Variants in SGK1 observed in about 807,000 individuals in gnomAD.
The protein encoded by SGK1 is serum/glucocorticoid regulated kinase 1, also known as serine/threonine-protein kinase Sgk1.
SGK1 carries 26 observed loss-of-function variants against 64.2 expected under a neutral mutation model. The observed-to-expected ratio is 0.40, with a 90% CI of 0.30 to 0.56. SGK1 has a LOEUF of 0.56. Ranked by LOEUF, SGK1 falls within the 20% of genes least tolerant of loss-of-function variation. The pLI is 0.38. For synonymous variants in SGK1, 265 were observed against 239.7 expected, an observed-to-expected ratio of 1.11 and a Z score of -0.98; for missense variants, 519 against 645.6, an observed-to-expected ratio of 0.80 and a Z score of 2.12.
chr6:134,216,411 T>A (rs911162664), intron 2 of SGK1, among the ~76,000 whole-genome samples: 2 of 152,240 alleles, frequency 1.3e-5, no homozygotes, highest in Non-Finnish European at 2.9e-5. Context: ...ATTGCTTTAG[T>A]GAGGCTTTAG....
intron 1 of SGK1, among the ~76,000 whole-genome samples, chr6:134,293,005 A>G (rs1777289889): frequency 6.6e-6 from 1 of 152,006 alleles, no homozygotes; most frequent in African/African-American, 2.4e-5. Flanking sequence ...TAATTGGATA[A>G]CTCTCTTGTT....
Position 134,173,355 on chromosome 6 carries a change from A to C in SGK1, c.621T>G (p.Val207=), listed in dbSNP as rs1256318149. 4 of 1,611,768 alleles carry C rather than the reference A, an allele frequency of 2.5e-6. No individual in the cohort carries two copies. In the African/African-American group the frequency reaches 5.3e-5, roughly 22 times the overall value. The change falls in exon 7 of 14, where the codon GTT becomes GTG. Residue 207 remains valine (V), a splice_region_variant and synonymous_variant. Transcript: ENST00000367858. ...KVIGKGSFGK[V]LLARHKAEEV... ...CTTCTGCCTTGTGTCTTGCTAGAAG[A>C]ACCTGAAATTTCAATTTAAAAAAAT...
At chr6:134,172,474 G>T in intron 9 of SGK1, 158 bp from the exon 10 acceptor site, 1 of 815,290 alleles carries the variant, frequency 1.2e-6, no homozygotes, top group Non-Finnish European at 1.9e-6. Flanking sequence ...ATCTATTCTG[G>T]ATTAGGCACA....
intron 3 of SGK1, among the ~76,000 whole-genome samples, chr6:134,175,141 CGGAGGGCGCGG>C (rs1033405127): frequency 2.0e-5 from 3 of 152,094 alleles, no homozygotes; most frequent in African/African-American, 4.8e-5. Context: ...AACGCGCCGG[CGGAGGGCGCGG>C]GGAGGGCCGG....
chr6:134,202,138 G>A (rs772443484), intron 3 of SGK1, among the ~76,000 whole-genome samples: 1 of 152,130 alleles, frequency 6.6e-6, no homozygotes, highest in Non-Finnish European at 1.5e-5. Context: ...TAGCAATAAT[G>A]TAAACATTGT....
chr6:134,201,992 C>T (rs533061229), intron 3 of SGK1, among the ~76,000 whole-genome samples: 1 of 151,026 alleles, frequency 6.6e-6, no homozygotes, highest in South Asian at 2.1e-4. Context: ...ATTTAACTTC[C>T]TAAACCTGAG....
chr6:134,182,932 A>G (rs561311711), intron 3 of SGK1, among the ~76,000 whole-genome samples: 80 of 152,352 alleles, frequency 5.3e-4, no homozygotes, highest in African/African-American at 1.8e-3. Context: ...AGAGCAAACC[A>G]AAACTAACTC....
chr6:134,276,124 A>G (rs1181259995), intron 1 of SGK1, among the ~76,000 whole-genome samples: 1 of 152,210 alleles, frequency 6.6e-6, no homozygotes, highest in Non-Finnish European at 1.5e-5. Flanking sequence ...TCACAAGGAA[A>G]GAGACTCACT....
chr6:134,285,770 A>G (rs1240006670), intron 1 of SGK1, among the ~76,000 whole-genome samples: 1 of 151,886 alleles, frequency 6.6e-6, no homozygotes, highest in East Asian at 1.9e-4. Flanking sequence ...CTATTCTGTA[A>G]GGATAAAGAT....
chr6:134,290,600 C>T (rs185348408), intron 1 of SGK1, among the ~76,000 whole-genome samples: 5 of 151,974 alleles, frequency 3.3e-5, no homozygotes, highest in African/African-American at 9.7e-5. Flanking sequence ...GTGAAGGACC[C>T]GTAGAAGCAA....
chr6:134,194,050 A>G (rs1037875675), intron 3 of SGK1, among the ~76,000 whole-genome samples: 1 of 151,994 alleles, frequency 6.6e-6, no homozygotes, highest in African/African-American at 2.4e-5. Flanking sequence ...GAACACGCCA[A>G]TGAACCTCAA....
At chr6:134,222,401 T>G (rs1160207089) in intron 2 of SGK1, among the ~76,000 whole-genome samples, 16 of 150,904 alleles carry the variant, frequency 1.1e-4, no homozygotes, top group Admixed American at 9.9e-4. Context: ...AATGGCGCAA[T>G]CTCAGCTCAC....
At chr6:134,220,025 G>GT (rs1204315766) in intron 2 of SGK1, among the ~76,000 whole-genome samples, 1 of 107,128 alleles carries the variant, frequency 9.3e-6, no homozygotes, top group African/African-American at 3.7e-5. Context: ...CGCCACTGCA[G>GT]TCCAGCCTGG....
chr6:134,284,508 TAG>T (rs1777148959), intron 1 of SGK1, among the ~76,000 whole-genome samples: 1 of 146,132 alleles, frequency 6.8e-6, no homozygotes, highest in African/African-American at 2.5e-5. Context: ...TTTTTTGAGA[TAG>T]AGTCTCACTC....
Position 134,169,982 on chromosome 6 carries a change from C to T in SGK1, c.*286G>A, listed in dbSNP as rs1774956938. 4.4e-6 allele frequency: 1 copy of T among 226,998 alleles called. No homozygotes were observed. The highest frequency in any genetic ancestry group is 8.7e-6 in the Non-Finnish European group (1 of 115,596). 14.1% of individuals were successfully genotyped at this position (226,998 alleles called of 1,614,324 possible). ...GAGACCTTTTTTAGAACAGCGTCCG[C>T]TTTCTAACGAAACTCCTGCCTCCGT... On this transcript the variant is annotated 3_prime_UTR_variant, in exon 14 of 14. Coordinates refer to ENST00000367858, the MANE Select transcript of SGK1 (RefSeq NM_001143676.3).
intron 3 of SGK1, chr6:134,175,426 C>T: frequency 7.6e-7 from 1 of 1,309,926 alleles, no homozygotes; most frequent in Non-Finnish European, 9.7e-7. Context: ...CCGCCAGGTC[C>T]TCCCGTTCCC....
intron 2 of SGK1, among the ~76,000 whole-genome samples, chr6:134,232,463 G>GAAAGAAAGAA (rs774504546): frequency 2.4e-5 from 1 of 42,280 alleles, no homozygotes; most frequent in Non-Finnish European, 5.6e-5. Context: ...AAGAAAGAAA[G>GAAAGAAAGAA]AAAGAAAGAA....
At chr6:134,223,377 A>G (rs1047507061) in intron 2 of SGK1, among the ~76,000 whole-genome samples, 1 of 152,132 alleles carries the variant, frequency 6.6e-6, no homozygotes, top group Non-Finnish European at 1.5e-5. Flanking sequence ...TCAAAAAAAA[A>G]AAAGGGATAA....
chr6:134,227,005 A>T (rs9493867), intron 2 of SGK1, among the ~76,000 whole-genome samples: 12,598 of 152,036 alleles, frequency 0.083, 748 homozygotes, highest in African/African-American at 0.17. Context: ...AGACATTTTA[A>T]AATAAGTAGG....
Sources: allele counts gnomAD v4.1 joint callset (sites outside exome capture counted in the v4.1 genomes callset), GRCh38; gene constraint gnomAD v4.1.1; transcripts MANE v1.5; gene names NCBI Gene and HGNC (gene_info 2026-07-23, HGNC 2026-07-21).